The following MPRIP variants were observed in gnomAD, a reference collection of about 807,000 sequenced individuals.
The protein encoded by MPRIP is myosin phosphatase Rho interacting protein.
MPRIP carries 59 observed loss-of-function variants against 234.9 expected under a neutral mutation model. That is an observed-to-expected ratio of 0.25 (90% CI 0.20 to 0.31). MPRIP has a LOEUF of 0.31. Ranked by LOEUF, MPRIP falls within the 10% of genes least tolerant of loss-of-function variation. MPRIP has a pLI of 1.00. For missense variants in MPRIP, 2,436 were observed against 3,071.0 expected, an observed-to-expected ratio of 0.79 and a Z score of 4.89; for synonymous variants, 1,144 against 1,263.9, an observed-to-expected ratio of 0.91 and a Z score of 2.01.
At chr17:17,057,622 T>C in intron 1 of MPRIP, 2 of 718,110 alleles carry the variant, frequency 2.8e-6, no homozygotes, top group South Asian at 3.0e-5. Context: ...TTTCAACCTT[T>C]ATTTCTTTGG....
chr17:17,057,337 G>A (rs2088730976), intron 1 of MPRIP, among the ~76,000 whole-genome samples: 1 of 152,254 alleles, frequency 6.6e-6, no homozygotes, highest in Non-Finnish European at 1.5e-5. Flanking sequence ...CAGCTGCTCG[G>A]AGGTACACGC....
intron 3 of MPRIP, among the ~76,000 whole-genome samples, chr17:17,079,567 C>T (rs1343847449): frequency 6.6e-6 from 1 of 152,220 alleles, no homozygotes; most frequent in Non-Finnish European, 1.5e-5. Context: ...TATCTTGCCT[C>T]CCTGTGGCTG....
intron 1 of MPRIP, among the ~76,000 whole-genome samples, chr17:17,059,219 A>G (rs979894482): frequency 6.6e-6 from 1 of 152,252 alleles, no homozygotes; most frequent in Admixed American, 6.5e-5. Context: ...GTCTGCCATA[A>G]TGAAAGACAG....
In MPRIP at chr17:17,171,874, G is replaced by C; in HGVS notation, c.6472+9G>C. 1 of 1,611,782 alleles carries C rather than the reference G, an allele frequency of 6.2e-7. No homozygotes were observed. Among genetic ancestry groups the C allele is most frequent in the Non-Finnish European group, 8.5e-7 (1 of 1,179,322 alleles). ...AGCGGCCACCATCTCAGGTTGGGGG[G>C]TGGGGTAACCCTGAGGGCAGGGTGG... On this transcript the variant is annotated intron_variant, in intron 17 of 23. Transcript: ENST00000651222.
At chr17:17,176,674 G>A (rs1293187621) in intron 21 of MPRIP, among the ~76,000 whole-genome samples, 162 bp downstream of exon 21, 2 of 152,216 alleles carry the variant, frequency 1.3e-5, no homozygotes, top group African/African-American at 4.8e-5. Flanking sequence ...AGACCAGCCT[G>A]CAGGCAGGTG....
rs911798311 is a variant in MPRIP, at chr17:17,164,293, G to C, written c.2702G>C (p.Ser901Thr). 2.1e-5 allele frequency: 27 copies of C among 1,304,066 alleles called. No individual in the cohort carries two copies. Among genetic ancestry groups the C allele is most frequent in the Non-Finnish European group, 2.4e-5 (24 of 988,984 alleles). The allele number at this position is 1,304,066 out of a possible 1,614,324, so 80.8% of individuals were successfully genotyped here. A position where few individuals can be genotyped will look rare whatever the true frequency, so the allele number is the denominator to read the frequency against. The stretch of plus-strand genomic sequence containing the variant: ...CGGCACCACGAGGCTGAGATCCGGA[G>C]CCTTCAGGCACGGCTCAGCAATGCG... ...TIRHHEAEIR[S>T]LQARLSNAAA... is the part of the protein sequence containing the mutation. Residue 901 changes from serine to threonine, a missense_variant, in exon 16 of 24, where the codon AGC (serine) becomes ACC (threonine). Ser to Thr is a moderately conservative substitution (Grantham distance 58, BLOSUM62 1). Transcript: ENST00000651222.
chr17:17,064,533 T>A (rs966609048), intron 1 of MPRIP, among the ~76,000 whole-genome samples: 65 of 152,128 alleles, frequency 4.3e-4, no homozygotes, highest in Admixed American at 3.6e-3. Context: ...AAGCACCCAG[T>A]GTCTCCATCG....
chr17:17,167,704 A>C lies in MPRIP; in HGVS notation c.6113A>C (p.His2038Pro). ...TGCCTTCAGGACACCCTCTGCCTCCACCAGGGGCCACACCCCAAGGCCCTG... is the reference window on the plus strand; with the variant it reads ...TGCCTTCAGGACACCCTCTGCCTCCCCCAGGGGCCACACCCCAAGGCCCTG... ...LRCLQDTLCL[H>P]QGPHPKALPA... Residue 2038 changes from histidine to proline, a missense_variant, in exon 16 of 24, where the codon CAC (histidine) becomes CCC (proline). Physicochemically the swap from His to Pro is moderately conservative, Grantham distance 77 (BLOSUM62 -2). Transcript: ENST00000651222. The surrounding 1 kb of genome is among the most constrained non-coding windows in gnomAD (Gnocchi z 5.9). 1 of 1,304,136 alleles carries C rather than the reference A, an allele frequency of 7.7e-7. No homozygotes were observed. The highest frequency in any genetic ancestry group is 1.0e-6 in the Non-Finnish European group (1 of 988,938). The allele number at this position is 1,304,136 out of a possible 1,614,324, so 80.8% of individuals were successfully genotyped here. A position where few individuals can be genotyped will look rare whatever the true frequency, so the allele number is the denominator to read the frequency against.
At position 17,164,958 on chromosome 17, in the gene MPRIP, A is replaced by G. The variant is rs201306755; in HGVS notation, c.3367A>G (p.Thr1123Ala). ...CCAGGAGCTGACAGAGCGCGTGGCCACGTCCGACGAGGATGTGGCTGAGCT... is the reference window on the plus strand; with the variant it reads ...CCAGGAGCTGACAGAGCGCGTGGCCGCGTCCGACGAGGATGTGGCTGAGCT... Reference protein sequence around the residue: ...RFQELTERVATSDEDVAELRE... With the variant: ...RFQELTERVAASDEDVAELRE... The change falls in exon 16 of 24, where the codon ACG (threonine) becomes GCG (alanine). Residue 1123 changes from threonine to alanine, a missense_variant. Physicochemically the swap from Thr to Ala is moderately conservative, Grantham distance 58. This residue lies in a region of MPRIP where 1,998 missense variants were observed against 2,520.3 expected (regional missense o/e 0.79). Transcript: ENST00000651222. 37 of 1,303,380 alleles carry G rather than the reference A, an allele frequency of 2.8e-5. No homozygotes were observed. Among genetic ancestry groups the G allele is most frequent in the Non-Finnish European group, 3.3e-5 (33 of 988,864 alleles). 80.7% of individuals were successfully genotyped at this position (1,303,380 alleles called of 1,614,324 possible).
chr17:17,176,285 G>T (rs1319523509), intron 20 of MPRIP, 141 bp from the exon 21 acceptor site: 2 of 677,750 alleles, frequency 3.0e-6, no homozygotes, highest in Non-Finnish European at 5.3e-6. Flanking sequence ...GTGTTTAAAC[G>T]ATGCTTGCCC....
chr17:17,180,141 G>A, intron 23 of MPRIP, 53 bp downstream of exon 23: 2 of 1,406,618 alleles, frequency 1.4e-6, no homozygotes, highest in Non-Finnish European at 1.9e-6. Context: ...ACACTGGGGA[G>A]AGTAGCCCAA....
chr17:17,085,032 T>C (rs977180851), intron 3 of MPRIP, among the ~76,000 whole-genome samples: 1 of 152,178 alleles, frequency 6.6e-6, no homozygotes, highest in Non-Finnish European at 1.5e-5. Flanking sequence ...TACTTTCAGG[T>C]TTAGCTTTAA....
At chr17:17,184,717 T>TC in intron 23 of MPRIP, 106 bp from the exon 24 acceptor site, 2 of 804,614 alleles carry the variant, frequency 2.5e-6, no homozygotes, top group South Asian at 3.0e-5. Context: ...CACCCGGCTC[T>TC]CTGACTGATG....
intron 3 of MPRIP, among the ~76,000 whole-genome samples, chr17:17,080,640 ATC>A (rs1461542401): frequency 6.6e-6 from 1 of 152,284 alleles, no homozygotes; most frequent in African/African-American, 2.4e-5. Context: ...ATGCTACTGA[ATC>A]TCCTTCACAG....
At position 17,061,325 on chromosome 17, in the gene MPRIP, C is replaced by T. The variant is rs1243728815; in HGVS notation, c.124-14385C>T. Among the ~76,000 whole-genome samples, 5 of 152,198 alleles carry T rather than the reference C, an allele frequency of 3.3e-5. No homozygotes were observed. The East Asian group carries it at 5.8e-4, about 18-fold the overall frequency. On this transcript the variant is annotated intron_variant, in intron 1 of 23. Transcript: ENST00000651222. ...TTACAAGCTTAGAAAGAGGGCCAGACGGCTGCTACCCAGGTATCCTTTCTC... is the reference window on the plus strand; with the variant it reads ...TTACAAGCTTAGAAAGAGGGCCAGATGGCTGCTACCCAGGTATCCTTTCTC...
chr17:17,136,435 C>A lies in MPRIP; in HGVS notation c.721C>A (p.Leu241Ile), dbSNP rs963518580. ...PAASSLREPG[L>I]ESKEEESAMS... ...TGCCAGCTCCCTGCGGGAACCTGGG[C>A]TAGAGAGCAAAGAAGGTGAGCGGAG... is the stretch of plus-strand genomic sequence containing the variant. The change falls in exon 6 of 24, where the codon CTA becomes ATA. Residue 241 changes from leucine to isoleucine, a missense_variant. Physicochemically the swap from Leu to Ile is conservative, Grantham distance 5 (BLOSUM62 2). Transcript: ENST00000651222. 7.5e-6 allele frequency: 12 copies of A among 1,610,078 alleles called. No homozygotes were observed. The highest frequency in any genetic ancestry group is 8.5e-6 in the Non-Finnish European group (10 of 1,178,136).
chr17:17,130,367 T>C (rs932489367), intron 4 of MPRIP, among the ~76,000 whole-genome samples: 57 of 151,744 alleles, frequency 3.8e-4, no homozygotes, highest in Admixed American at 1.1e-3. Context: ...TCCTTCCCTC[T>C]CTTCCTGTCC....
intron 12 of MPRIP, among the ~76,000 whole-genome samples, chr17:17,152,534 G>T (rs1445080928): frequency 1.3e-5 from 2 of 152,166 alleles, no homozygotes; most frequent in Non-Finnish European, 2.9e-5. Flanking sequence ...GGCTTCCTGG[G>T]GGAGGCTTCC....
At chr17:17,135,731 C>T (rs190940903) in intron 5 of MPRIP, among the ~76,000 whole-genome samples, 1 of 152,322 alleles carries the variant, frequency 6.6e-6, no homozygotes, top group Non-Finnish European at 1.5e-5. Flanking sequence ...CCTCCTGATA[C>T]CATCACCTTG....
Sources: gnomAD v4.1 joint callset for allele counts (sites outside exome capture counted in the v4.1 genomes callset) on GRCh38, gnomAD v4.1.1 for gene constraint, gnomAD v4.1.1 regional missense constraint, Gnocchi (gnomAD v3.1) non-coding constraint, MANE v1.5 for transcripts, NCBI Gene and HGNC (gene_info 2026-07-23, HGNC 2026-07-21) for gene names.